TMEM232: variants seen among roughly 807,000 people sequenced by gnomAD.
TMEM232 encodes transmembrane protein 232.
TMEM232 carries 80 observed loss-of-function variants against 78.8 expected under a neutral mutation model. The observed-to-expected ratio is 1.01, with a 90% CI of 0.85 to 1.22. TMEM232 has a LOEUF of 1.22. Ranked by LOEUF, TMEM232 falls within the 50% of genes most tolerant of loss-of-function variation. TMEM232 has a pLI of 0.00. For synonymous variants in TMEM232, 297 were observed against 254.3 expected, an observed-to-expected ratio of 1.17 and a Z score of -1.60; for missense variants, 881 against 742.2, an observed-to-expected ratio of 1.19 and a Z score of -2.17.
intron 1 of TMEM232, among the ~76,000 whole-genome samples, chr5:110,703,309 C>T (rs950987568): frequency 6.6e-6 from 1 of 151,974 alleles, no homozygotes; most frequent in Non-Finnish European, 1.5e-5. Context: ...CAACGACAGA[C>T]CTATTTTGCT....
upstream of TMEM232, among the ~76,000 whole-genome samples, chr5:110,738,538 A>C (rs72773192): frequency 9.8e-4 from 149 of 152,122 alleles, 1 homozygote; most frequent in Admixed American, 1.8e-3. Flanking sequence ...GCGGTACCAT[A>C]TCTCTCAATA....
intron 2 of TMEM232, among the ~76,000 whole-genome samples, chr5:110,666,274 C>A (rs750471017): frequency 1.3e-5 from 2 of 152,056 alleles, no homozygotes; most frequent in Non-Finnish European, 1.5e-5. Flanking sequence ...GTCATATCCA[C>A]AATACACATT....
intron 12 of TMEM232, among the ~76,000 whole-genome samples, chr5:110,438,981 T>G (rs1370241582): frequency 6.6e-6 from 1 of 152,124 alleles, no homozygotes; most frequent in African/African-American, 2.4e-5. Flanking sequence ...AATAGATAAT[T>G]TTCTGGGCAC....
intron 11 of TMEM232, among the ~76,000 whole-genome samples, chr5:110,560,730 C>A (rs1775643859): frequency 6.6e-6 from 1 of 152,108 alleles, no homozygotes; most frequent in Non-Finnish European, 1.5e-5. Flanking sequence ...CAAATTTAAA[C>A]CACAGTGACT....
chr5:110,475,198 T>C (rs1763116238), intron 12 of TMEM232, among the ~76,000 whole-genome samples: 1 of 151,932 alleles, frequency 6.6e-6, no homozygotes, highest in South Asian at 2.1e-4. Context: ...GTTATGCCAA[T>C]TCTTGATTTA....
chr5:110,512,356 T>C (rs995909180), intron 12 of TMEM232, among the ~76,000 whole-genome samples: 1 of 152,192 alleles, frequency 6.6e-6, no homozygotes. Context: ...ACAACCAACA[T>C]GCTAGAGTCA....
intron 12 of TMEM232, among the ~76,000 whole-genome samples, chr5:110,514,263 A>G (rs1022726001): frequency 6.6e-6 from 1 of 152,188 alleles, no homozygotes; most frequent in Non-Finnish European, 1.5e-5. Flanking sequence ...GAAGGGAAAC[A>G]TAAAATAACC....
intron 3 of TMEM232, among the ~76,000 whole-genome samples, chr5:110,395,553 C>A (rs892710462): frequency 7.2e-5 from 11 of 152,240 alleles, no homozygotes; most frequent in Non-Finnish European, 1.6e-4. Flanking sequence ...TGGTACTCAT[C>A]AGTTCTCTGC....
At chr5:110,448,259 A>G (rs1174003736) in intron 12 of TMEM232, among the ~76,000 whole-genome samples, 1 of 152,072 alleles carries the variant, frequency 6.6e-6, no homozygotes, top group Non-Finnish European at 1.5e-5. Context: ...AGAATAAATT[A>G]CCCTCCTTAT....
chr5:110,426,283 A>G (rs1350897363), intron 12 of TMEM232, among the ~76,000 whole-genome samples: 1 of 151,832 alleles, frequency 6.6e-6, no homozygotes, highest in Non-Finnish European at 1.5e-5. Flanking sequence ...TCCCTGTGTG[A>G]GTTTTATGTT....
At chr5:110,439,819 A>C (rs1279077892) in intron 12 of TMEM232, among the ~76,000 whole-genome samples, 1 of 152,142 alleles carries the variant, frequency 6.6e-6, no homozygotes, top group East Asian at 1.9e-4. Context: ...ACAGAATTTT[A>C]TAGTCCTGGG....
At chr5:110,583,172 T>A (rs1016469340) in intron 10 of TMEM232, among the ~76,000 whole-genome samples, 4 of 151,844 alleles carry the variant, frequency 2.6e-5, no homozygotes, top group African/African-American at 9.7e-5. Flanking sequence ...TTCAATGGCC[T>A]AAAAAGATCC....
At chr5:110,498,496 C>T (rs540938240) in intron 12 of TMEM232, among the ~76,000 whole-genome samples, 1 of 152,164 alleles carries the variant, frequency 6.6e-6, no homozygotes, top group East Asian at 1.9e-4. Context: ...TTGAATTACC[C>T]TTCCAGAGGT....
rs1011036200 is a variant in TMEM232 at position 110,656,786 on chromosome 5, C to T, written c.125+10442G>A. Among the ~76,000 whole-genome samples the T allele has an allele frequency of 3.3e-5, 5 of 150,740 alleles. No individual in the cohort carries two copies. The South Asian group carries it at 8.4e-4, about 25-fold the overall frequency. On this transcript the variant is annotated intron_variant, in intron 2 of 13. Coordinates refer to ENST00000455884, the MANE Select transcript of TMEM232 (RefSeq NM_001039763.4). Reference sequence around the variant, plus strand: ...CCAGGAGGCGGAGCTTGCAGTGAGCCGACACTGCACCACTGCACTCCAGCC... The same window carrying T: ...CCAGGAGGCGGAGCTTGCAGTGAGCTGACACTGCACCACTGCACTCCAGCC...
At chr5:110,578,351 T>TA (rs1292052619) in intron 10 of TMEM232, among the ~76,000 whole-genome samples, 2 of 151,992 alleles carry the variant, frequency 1.3e-5, no homozygotes, top group East Asian at 3.9e-4. Flanking sequence ...TTGGAAATTG[T>TA]AAAAAAGAAT....
chr5:110,586,526 A>T (rs1200553901), intron 10 of TMEM232, among the ~76,000 whole-genome samples: 1 of 152,012 alleles, frequency 6.6e-6, no homozygotes, highest in African/African-American at 2.4e-5. Flanking sequence ...TGCTACATTT[A>T]TGAAATATCA....
intron 11 of TMEM232, among the ~76,000 whole-genome samples, chr5:110,542,841 C>A (rs1773328207): frequency 2.0e-5 from 3 of 152,062 alleles, no homozygotes; most frequent in Admixed American, 6.6e-5. Context: ...ATTGAAAGTA[C>A]CTCTGATTTG....
intron 12 of TMEM232, among the ~76,000 whole-genome samples, chr5:110,496,140 C>A (rs965252779): frequency 6.6e-6 from 1 of 151,762 alleles, no homozygotes; most frequent in Non-Finnish European, 1.5e-5. Context: ...ATGAATTTTA[C>A]AATTATTGTG....
chr5:110,579,446 C>T (rs1342052895), intron 10 of TMEM232, among the ~76,000 whole-genome samples: 3 of 151,488 alleles, frequency 2.0e-5, no homozygotes, highest in South Asian at 2.1e-4. Context: ...CTTAATACTA[C>T]ACTTAATACT....
Sources: gnomAD v4.1 joint callset for allele counts (sites outside exome capture counted in the v4.1 genomes callset) on GRCh38, gnomAD v4.1.1 for gene constraint, MANE v1.5 for transcripts, NCBI Gene and HGNC (gene_info 2026-07-23, HGNC 2026-07-21) for gene names.